Variants in TIGAR observed in about 807,000 individuals in gnomAD.
The protein encoded by TIGAR is fructose-2,6-bisphosphatase TIGAR.
A neutral mutation model predicts 17.9 loss-of-function variants in TIGAR; 7 were observed. That is an observed-to-expected ratio of 0.39 (90% CI 0.22 to 0.73). The LOEUF (loss-of-function observed/expected upper bound fraction) is 0.73. Among genes scored for constraint, TIGAR ranks in the 30% least tolerant of loss-of-function variants. The pLI is 0.42. For synonymous variants in TIGAR, 94 were observed against 108.6 expected (o/e 0.87, Z 0.84); for missense variants, 258 against 327.4 (o/e 0.79, Z 1.64).
Position 4,357,528 on chromosome 12 carries a change from A to G in TIGAR, c.*4837A>G, listed in dbSNP as rs538545202. Among the ~76,000 whole-genome samples the G allele has an allele frequency of 1.3e-5, 2 of 152,274 alleles. No individual in the cohort carries two copies. The highest frequency in any genetic ancestry group is 2.9e-5 in the Non-Finnish European group (2 of 68,000). On this transcript the variant is annotated 3_prime_UTR_variant, in exon 6 of 6. Transcript: ENST00000179259. Reference sequence around the variant, plus strand: ...TTTTACCCCTCTTTCTTTGGGCCCCATCAATTTGGAAGTACAGCTTTCAGA... The same window carrying G: ...TTTTACCCCTCTTTCTTTGGGCCCCGTCAATTTGGAAGTACAGCTTTCAGA...
chr12:4,335,904 G>C (rs1214357474), intron 2 of TIGAR, among the ~76,000 whole-genome samples: 1 of 152,100 alleles, frequency 6.6e-6, no homozygotes, highest in African/African-American at 2.4e-5. Flanking sequence ...CAGCAATCCT[G>C]ATTTTTATTA....
At chr12:4,331,499 A>T (rs777724320) in intron 2 of TIGAR, among the ~76,000 whole-genome samples, 182 bp downstream of exon 2, 1 of 152,214 alleles carries the variant, frequency 6.6e-6, no homozygotes, top group African/African-American at 2.4e-5. Flanking sequence ...GGAGGAATAA[A>T]TCTCTCAAGT....
At chr12:4,347,608 C>G (rs1351239318) in intron 3 of TIGAR, among the ~76,000 whole-genome samples, 1 of 152,062 alleles carries the variant, frequency 6.6e-6, no homozygotes, top group African/African-American at 2.4e-5. Context: ...CCCTGCTTAC[C>G]AGGATGTGAT....
chr12:4,337,871 C>T (rs1310263345), intron 3 of TIGAR, among the ~76,000 whole-genome samples: 1 of 152,204 alleles, frequency 6.6e-6, no homozygotes, highest in Admixed American at 6.5e-5. Flanking sequence ...TGGCTCATGC[C>T]TGTGATCCCT....
At chr12:4,324,506 A>C in intron 1 of TIGAR, 1 of 1,609,358 alleles carries the variant, frequency 6.2e-7, no homozygotes, top group Non-Finnish European at 8.5e-7. Flanking sequence ...ACCTGGTTGA[A>C]GGTCTTGCCG....
chr12:4,342,588 T>C (rs1338003020), intron 3 of TIGAR, among the ~76,000 whole-genome samples: 2 of 152,260 alleles, frequency 1.3e-5, no homozygotes, highest in East Asian at 3.9e-4. Flanking sequence ...TATTCAACAT[T>C]CTCAAAGAAA....
rs139312790 is a variant in TIGAR, at chr12:4,357,825, T to C, written c.*5134T>C. On this transcript the variant is annotated 3_prime_UTR_variant, in exon 6 of 6. Transcript: ENST00000179259. ...GTGACCAAGCAATCGCTGAGGTGGC[T>C]GGGCGTGGTGGCTCGCACCTGTAAT... 5.7e-3 allele frequency among the ~76,000 whole-genome samples: 873 copies of C among 152,270 alleles called. 2 individuals carry two copies. The highest frequency in any genetic ancestry group is 9.0e-3 in the Non-Finnish European group (611 of 68,022).
At chr12:4,322,698 GTCCTTCCT>G (rs1864493873) in intron 1 of TIGAR, among the ~76,000 whole-genome samples, 3 of 152,126 alleles carry the variant, frequency 2.0e-5, no homozygotes, top group South Asian at 4.1e-4. Flanking sequence ...TTTCTGGCCT[GTCCTTCCT>G]TTATAAGAAA....
At chr12:4,335,762 T>C (rs776389774) in intron 2 of TIGAR, 18 of 152,280 alleles carry the variant, frequency 1.2e-4, no homozygotes, top group Non-Finnish European at 2.4e-4. Flanking sequence ...AGAACTCTAA[T>C]ATATCTGAGC....
In TIGAR at chr12:4,354,775, A is replaced by G. The variant is rs888599468; in HGVS notation, c.*2084A>G. On this transcript the variant is annotated 3_prime_UTR_variant, in exon 6 of 6. Coordinates refer to ENST00000179259, the MANE Select transcript of TIGAR (RefSeq NM_020375.3). ...GAGACAGAGTCTCTCTCTGTTGCCCAGGCTGGGGTGCAATGGCGTGATCTT... is the reference window on the plus strand; with the variant it reads ...GAGACAGAGTCTCTCTCTGTTGCCCGGGCTGGGGTGCAATGGCGTGATCTT... Among the ~76,000 whole-genome samples, 3 of 139,270 alleles carry G rather than the reference A, an allele frequency of 2.2e-5. No homozygotes were observed. Among genetic ancestry groups the G allele is most frequent in the African/African-American group, 8.2e-5 (3 of 36,532 alleles). The allele number at this position is 139,270 out of a possible 152,430, so 91.4% of individuals were successfully genotyped here.
chr12:4,343,991 A>G (rs1476140706), intron 3 of TIGAR, among the ~76,000 whole-genome samples: 10 of 152,208 alleles, frequency 6.6e-5, no homozygotes. Flanking sequence ...AGCAAGACCA[A>G]TAAAGAAAAG....
chr12:4,333,716 G>A (rs907190983), intron 2 of TIGAR, among the ~76,000 whole-genome samples: 7 of 152,066 alleles, frequency 4.6e-5, no homozygotes, highest in Non-Finnish European at 1.0e-4. Context: ...CACCCACCTC[G>A]GCCTCCCAAA....
rs150240459 is a variant in TIGAR, at chr12:4,337,351, A to T, written c.192+191A>T. 3.3e-5 allele frequency among the ~76,000 whole-genome samples: 5 copies of T among 152,218 alleles called. No individual in the cohort carries two copies. In the East Asian group the frequency reaches 9.6e-4, roughly 29 times the overall value. ...TAGCTAATTTTTGTATTTTTAGTAG[A>T]GATGGGGTTTTGCCATGTTGCTGGT... On this transcript the variant is annotated intron_variant, in intron 3 of 5. Transcript: ENST00000179259.
Position 4,359,985 on chromosome 12 carries a change from GCTTT to G in TIGAR, c.*7299_*7302del, listed in dbSNP as rs1864957454. On this transcript the variant is annotated 3_prime_UTR_variant, in exon 6 of 6. Transcript: ENST00000179259. ...ACAATTCTTATTGATCATTCATACA[GCTTT>G]CTTTGTGAAATGTGTATTAAAATCT... Among the ~76,000 whole-genome samples, 2 of 152,156 alleles carry G rather than the reference GCTTT, an allele frequency of 1.3e-5. No homozygotes were observed. The highest frequency in any genetic ancestry group is 4.8e-5 in the African/African-American group (2 of 41,436).
At position 4,357,089 on chromosome 12, in the gene TIGAR, C is replaced by G. The variant is rs1864912435; in HGVS notation, c.*4398C>G. Among the ~76,000 whole-genome samples, 1 of 152,174 alleles carries G rather than the reference C, an allele frequency of 6.6e-6. No homozygotes were observed. The highest frequency in any genetic ancestry group is 2.4e-5 in the African/African-American group (1 of 41,428). ...GGACATGCTCATATTAGGGGAAGCA[C>G]ATAAAGTAAGATATCCCTGAGAGAA... On this transcript the variant is annotated 3_prime_UTR_variant, in exon 6 of 6. Transcript: ENST00000179259.
At chr12:4,329,469 G>C (rs1304623305) in intron 1 of TIGAR, among the ~76,000 whole-genome samples, 1 of 150,932 alleles carries the variant, frequency 6.6e-6, no homozygotes, top group Non-Finnish European at 1.5e-5. Context: ...CTCCCGAGTA[G>C]CTGGGATTAC....
At chr12:4,322,622 C>T (rs959994299) in intron 1 of TIGAR, among the ~76,000 whole-genome samples, 1 of 152,164 alleles carries the variant, frequency 6.6e-6, no homozygotes, top group Non-Finnish European at 1.5e-5. Flanking sequence ...ACCATTTCTG[C>T]ATTCATGGAG....
chr12:4,349,707 G>A (rs1286573199), intron 3 of TIGAR, 112 bp from the exon 4 acceptor site: 14 of 853,622 alleles, frequency 1.6e-5, no homozygotes, highest in South Asian at 5.2e-5. Context: ...GTGAGCCACC[G>A]TGCCTGGTTC....
intron 2 of TIGAR, among the ~76,000 whole-genome samples, chr12:4,333,536 C>T (rs1252052636): frequency 6.6e-6 from 1 of 151,992 alleles, no homozygotes; most frequent in African/African-American, 2.4e-5. Context: ...ATGGCGTGAT[C>T]TCGGCTCCTG....
Sources: gnomAD v4.1 joint callset for allele counts (sites outside exome capture counted in the v4.1 genomes callset) on GRCh38, gnomAD v4.1.1 for gene constraint, MANE v1.5 for transcripts, NCBI Gene and HGNC (gene_info 2026-07-23, HGNC 2026-07-21) for gene names.